Variants in PTCHD4 observed in about 807,000 individuals in gnomAD.
The protein encoded by PTCHD4 is patched domain-containing protein 4.
Under a neutral mutation model 58.1 loss-of-function variants are expected in PTCHD4, and 33 were observed. The ratio of observed to expected loss-of-function variants is 0.57; its 90% CI spans 0.43 to 0.76. The LOEUF (loss-of-function observed/expected upper bound fraction) is 0.76, where lower values mean the gene tolerates loss of function less well. PTCHD4 is among the 30% of genes least tolerant of loss of function. The pLI, the probability that PTCHD4 is intolerant of heterozygous loss-of-function variation, is 0.00. For missense variants in PTCHD4, 1,058 were observed against 1,027.1 expected, an observed-to-expected ratio of 1.03 and a Z score of -0.41; for synonymous variants, 478 against 409.6, an observed-to-expected ratio of 1.17 and a Z score of -2.02.
At chr6:48,028,832 A>G (rs1763338923) in intron 3 of PTCHD4, among the ~76,000 whole-genome samples, 1 of 152,090 alleles carries the variant, frequency 6.6e-6, no homozygotes, top group Non-Finnish European at 1.5e-5. Context: ...ATTAAATTCT[A>G]AATGAAGTTC....
intron 1 of PTCHD4, among the ~76,000 whole-genome samples, chr6:48,091,096 TATC>T (rs1165104090): frequency 1.3e-5 from 2 of 152,138 alleles, no homozygotes. Context: ...TTGGCAAAAT[TATC>T]ATCATTTAGG....
intron 3 of PTCHD4, among the ~76,000 whole-genome samples, chr6:48,031,308 T>C (rs1041855446): frequency 6.6e-6 from 1 of 152,022 alleles, no homozygotes; most frequent in Non-Finnish European, 1.5e-5. Context: ...TGTTGCCTGT[T>C]AGTAATTTTT....
At chr6:47,896,321 C>T (rs893502444) in intron 4 of PTCHD4, among the ~76,000 whole-genome samples, 1 of 152,116 alleles carries the variant, frequency 6.6e-6, no homozygotes, top group African/African-American at 2.4e-5. Context: ...GGAAAGAAAC[C>T]CGTTTCTCTC....
At chr6:48,022,430 T>C (rs1300918417) in intron 3 of PTCHD4, among the ~76,000 whole-genome samples, 1 of 152,062 alleles carries the variant, frequency 6.6e-6, no homozygotes, top group Non-Finnish European at 1.5e-5. Flanking sequence ...GCTTTGAAAA[T>C]ACAGTGTGTG....
intron 3 of PTCHD4, among the ~76,000 whole-genome samples, chr6:48,017,533 C>T (rs1762908540): frequency 6.6e-6 from 1 of 152,114 alleles, no homozygotes; most frequent in Admixed American, 6.5e-5. Context: ...AAAGAGAACT[C>T]CAACATATCA....
intron 4 of PTCHD4, among the ~76,000 whole-genome samples, chr6:47,934,724 C>G (rs1168327021): frequency 6.6e-6 from 1 of 151,972 alleles, no homozygotes; most frequent in African/African-American, 2.4e-5. Flanking sequence ...CCCCAAAATA[C>G]CTTCAATTTA....
chr6:48,068,223 G>A lies in PTCHD4; in HGVS notation c.417+7C>T, dbSNP rs879734225. On this transcript the variant is annotated splice_region_variant and intron_variant, in intron 3 of 4. Transcript: ENST00000339488. The surrounding 1 kb of genome is among the most constrained non-coding windows in gnomAD (Gnocchi z 4.2). ...GAAAAAGTATAATTATAGCCCTTGT[G>A]GTTCACCTTCATTTCCAGCACGGCT... The A allele has an allele frequency of 2.0e-5, 31 of 1,553,900 alleles. No individual in the cohort carries two copies. The highest frequency in any genetic ancestry group is 2.7e-5 in the Non-Finnish European group (31 of 1,149,356).
intron 1 of PTCHD4, among the ~76,000 whole-genome samples, chr6:48,089,416 T>A (rs947199534): frequency 1.3e-4 from 20 of 152,324 alleles, no homozygotes; most frequent in African/African-American, 4.8e-4. Context: ...CACAGAAATT[T>A]TTGTTTTAAC....
intron 1 of PTCHD4, among the ~76,000 whole-genome samples, chr6:48,089,729 C>T (rs1765328801): frequency 6.6e-6 from 1 of 152,136 alleles, no homozygotes; most frequent in Non-Finnish European, 1.5e-5. Context: ...ATTGTGAAAG[C>T]ATTCAATGTA....
At chr6:48,041,746 G>A (rs922335100) in intron 3 of PTCHD4, among the ~76,000 whole-genome samples, 8 of 151,694 alleles carry the variant, frequency 5.3e-5, no homozygotes, top group African/African-American at 1.9e-4. Flanking sequence ...TAATTTGATC[G>A]CTTAACATCC....
intron 1 of PTCHD4, among the ~76,000 whole-genome samples, chr6:48,095,139 C>A (rs1160623547): frequency 1.3e-5 from 2 of 152,086 alleles, no homozygotes; most frequent in African/African-American, 2.4e-5. Flanking sequence ...CAAAACTTAC[C>A]AAATTGTGTA....
intron 3 of PTCHD4, among the ~76,000 whole-genome samples, chr6:48,045,778 C>CTT (rs560197065): frequency 7.1e-6 from 1 of 141,172 alleles, no homozygotes; most frequent in African/African-American, 2.6e-5. Flanking sequence ...TTTTTTTTTT[C>CTT]TTTTTTTTTT....
chr6:48,008,813 A>G lies in PTCHD4; in HGVS notation c.719T>C (p.Leu240Pro), dbSNP rs1173145258. The change falls in exon 4 of 5, where the codon CTG becomes CCG. Residue 240 changes from leucine to proline, a missense_variant. Transcript: ENST00000339488. ...GGAGAGGGTGGCTGTGGTCAGGATC[A>G]GCACGAGGCTCACCAGGACCTTGCT... ...ARSKVLVSLV[L>P]ILTTATLSSS... The G allele has an allele frequency of 6.2e-7, 1 of 1,614,018 alleles. No individual in the cohort carries two copies. The highest frequency in any genetic ancestry group is 1.7e-5 in the Admixed American group (1 of 60,004).
intron 1 of PTCHD4, among the ~76,000 whole-genome samples, chr6:48,078,976 G>A (rs1351018421): frequency 6.6e-6 from 1 of 151,996 alleles, no homozygotes; most frequent in Admixed American, 6.6e-5. Context: ...AAAATTAGCC[G>A]GGCGTGGTGC....
At chr6:48,035,128 A>G (rs992877777) in intron 3 of PTCHD4, among the ~76,000 whole-genome samples, 1 of 152,074 alleles carries the variant, frequency 6.6e-6, no homozygotes, top group East Asian at 1.9e-4. Flanking sequence ...TGTGTAGTAG[A>G]TGAATAAGGC....
intron 4 of PTCHD4, among the ~76,000 whole-genome samples, chr6:47,980,077 G>T (rs1408107036): frequency 4.6e-5 from 7 of 152,018 alleles, no homozygotes; most frequent in African/African-American, 1.4e-4. Flanking sequence ...AAGAATATTT[G>T]TTTATATTCA....
chr6:47,992,278 C>T (rs1398496799), intron 4 of PTCHD4, among the ~76,000 whole-genome samples: 4 of 151,188 alleles, frequency 2.6e-5, no homozygotes, highest in Non-Finnish European at 4.4e-5. Context: ...TATATATATA[C>T]ACACACACAC....
In PTCHD4 at chr6:47,878,234, C is replaced by A; in HGVS notation, c.*69G>T. On this transcript the variant is annotated 3_prime_UTR_variant, in exon 5 of 5. Transcript: ENST00000339488. ...CCTGGCCAGCCCAAGCAGCTGAGGT[C>A]TGAGCTTTACTTGCCCTGCATCATT... 7.0e-7 allele frequency: 1 copy of A among 1,430,658 alleles called. No individual in the cohort carries two copies. The highest frequency in any genetic ancestry group is 1.4e-5 in the South Asian group (1 of 72,256). 88.6% of individuals were successfully genotyped at this position (1,430,658 alleles called of 1,614,324 possible).
At chr6:48,065,426 A>C (rs1005296712) in intron 3 of PTCHD4, among the ~76,000 whole-genome samples, 7 of 152,218 alleles carry the variant, frequency 4.6e-5, no homozygotes, top group Non-Finnish European at 7.3e-5. Flanking sequence ...AAAAAAATAC[A>C]TATAAAAATT....
Sources: gnomAD v4.1 joint callset for allele counts (sites outside exome capture counted in the v4.1 genomes callset) on GRCh38, gnomAD v4.1.1 for gene constraint, Gnocchi (gnomAD v3.1) non-coding constraint, MANE v1.5 for transcripts, NCBI Gene and HGNC (gene_info 2026-07-23, HGNC 2026-07-21) for gene names.